Variants in STX3 observed in about 807,000 individuals in gnomAD.
STX3 encodes the protein syntaxin-3.
A neutral mutation model predicts 40.2 loss-of-function variants in STX3; 19 were observed. That is an observed-to-expected ratio of 0.47 (90% CI 0.33 to 0.69). The LOEUF is 0.69. Ranked by LOEUF, STX3 falls within the 30% of genes least tolerant of loss-of-function variation. The pLI, the probability that STX3 is intolerant of heterozygous loss-of-function variation, is 0.02. For missense variants in STX3, 364 were observed against 366.7 expected, an observed-to-expected ratio of 0.99 and a Z score of 0.06; for synonymous variants, 122 against 132.2, an observed-to-expected ratio of 0.92 and a Z score of 0.53.
Position 59,765,604 on chromosome 11 carries a change from G to C in STX3, c.31-7607G>C, listed in dbSNP as rs565875608. ...GGATCACACAAGGTCAGGAGTCCAA[G>C]ACCAGCCTGAGCTACATGGTGAAAC... On this transcript the variant is annotated intron_variant, in intron 1 of 10. Transcript: ENST00000337979. Among the ~76,000 whole-genome samples the C allele has an allele frequency of 2.5e-3, 375 of 152,282 alleles. 4 individuals carry two copies. The highest frequency in any genetic ancestry group is 8.4e-3 in the African/African-American group (349 of 41,556).
chr11:59,774,642 C>G (rs541073262), intron 2 of STX3, among the ~76,000 whole-genome samples: 1 of 152,170 alleles, frequency 6.6e-6, no homozygotes, highest in African/African-American at 2.4e-5. Flanking sequence ...ACCAGCCTGG[C>G]CAACACAGTG....
chr11:59,758,615 T>G (rs912163645), intron 1 of STX3, among the ~76,000 whole-genome samples: 1 of 152,228 alleles, frequency 6.6e-6, no homozygotes, highest in African/African-American at 2.4e-5. Context: ...TGGTCTCATC[T>G]CATCTCTTCT....
At chr11:59,792,573 A>G (rs558720809) in intron 6 of STX3, among the ~76,000 whole-genome samples, 1 of 151,660 alleles carries the variant, frequency 6.6e-6, no homozygotes, top group African/African-American at 2.4e-5. Flanking sequence ...GGATAAAAGT[A>G]TGGTGTAAGT....
intron 10 of STX3, 113 bp downstream of exon 10, chr11:59,797,509 G>A (rs1430508995): frequency 1.3e-6 from 1 of 760,774 alleles, no homozygotes; most frequent in Non-Finnish European, 2.1e-6. Flanking sequence ...GACACACTGA[G>A]CTTTCTAAAA....
intron 1 of STX3, among the ~76,000 whole-genome samples, chr11:59,767,989 G>T (rs1863363302): frequency 6.6e-6 from 1 of 152,210 alleles, no homozygotes; most frequent in African/African-American, 2.4e-5. Context: ...TAGAGAAGTT[G>T]ACTTGGCCAG....
chr11:59,785,989 C>G (rs1225396536), intron 2 of STX3, among the ~76,000 whole-genome samples: 1 of 152,150 alleles, frequency 6.6e-6, no homozygotes, highest in East Asian at 1.9e-4. Context: ...ACAGGAATGT[C>G]TGACAGTGGC....
intron 1 of STX3, among the ~76,000 whole-genome samples, chr11:59,761,368 A>G (rs1193997187): frequency 1.3e-5 from 2 of 152,136 alleles, no homozygotes; most frequent in Non-Finnish European, 2.9e-5. Flanking sequence ...CGCAAACTTT[A>G]CTTTTGGTGG....
At chr11:59,775,229 T>TC (rs1226986458) in intron 2 of STX3, among the ~76,000 whole-genome samples, 1 of 152,138 alleles carries the variant, frequency 6.6e-6, no homozygotes, top group Admixed American at 6.6e-5. Flanking sequence ...TCTCCACAGA[T>TC]CCCCACCCTC....
intron 1 of STX3, among the ~76,000 whole-genome samples, chr11:59,772,974 A>AACACACACACACACACACAC (rs3035302): frequency 1.4e-5 from 2 of 140,586 alleles, no homozygotes; most frequent in Non-Finnish European, 3.1e-5. Flanking sequence ...CCCTGAAAGA[A>AACACACACACACACACACAC]ACACACACAC....
At chr11:59,781,287 T>A in intron 2 of STX3, 1 of 1,549,614 alleles carries the variant, frequency 6.5e-7, no homozygotes, top group East Asian at 2.2e-5. Flanking sequence ...CTTAATTAAC[T>A]CCTGTCCAAA....
At chr11:59,787,175 C>T in intron 3 of STX3, 39 bp downstream of exon 3, 1 of 1,579,026 alleles carries the variant, frequency 6.3e-7, no homozygotes, top group South Asian at 1.1e-5. Context: ...CAACAATCAC[C>T]CTTTCCTTGG....
chr11:59,804,303 A>G lies in STX3; in HGVS notation c.*3479A>G, dbSNP rs1866000625. 6.6e-6 allele frequency: 1 copy of G among 152,230 alleles called. No homozygotes were observed. The highest frequency in any genetic ancestry group is 2.4e-5 in the African/African-American group (1 of 41,444). 9.4% of individuals were successfully genotyped at this position (152,230 alleles called of 1,614,324 possible). A position where few individuals can be genotyped will look rare whatever the true frequency, so the allele number is the denominator to read the frequency against. The stretch of plus-strand genomic sequence containing the variant: ...TCTGTTTCCTCTTTCAGGCTCCAGT[A>G]GTAGTCTTAAAAGTGAAGTTTATCT... On this transcript the variant is annotated 3_prime_UTR_variant, in exon 11 of 11. Coordinates refer to ENST00000337979, the MANE Select transcript of STX3 (RefSeq NM_004177.5).
chr11:59,772,977 A>G (rs1808887727), intron 1 of STX3, among the ~76,000 whole-genome samples: 1 of 112,032 alleles, frequency 8.9e-6, no homozygotes, highest in Non-Finnish European at 1.7e-5. Context: ...TGAAAGAAAC[A>G]CACACACACA....
At chr11:59,766,528 C>T (rs1218505374) in intron 1 of STX3, among the ~76,000 whole-genome samples, 2 of 152,158 alleles carry the variant, frequency 1.3e-5, no homozygotes, top group African/African-American at 4.8e-5. Flanking sequence ...TCCCTGAGTA[C>T]CCTGAGTGGG....
intron 1 of STX3, among the ~76,000 whole-genome samples, chr11:59,772,733 C>A (rs1863723865): frequency 6.6e-6 from 1 of 152,096 alleles, no homozygotes; most frequent in South Asian, 2.1e-4. Flanking sequence ...GGTTCCTCAA[C>A]TGTAGTGAGT....
chr11:59,801,192 A>T lies in STX3; in HGVS notation c.*368A>T. 8.5e-7 allele frequency: 1 copy of T among 1,174,310 alleles called. No individual in the cohort carries two copies. Among genetic ancestry groups the T allele is most frequent in the Middle Eastern group, 3.5e-4 (1 of 2,886 alleles). The allele number at this position is 1,174,310 out of a possible 1,614,324, so 72.7% of individuals were successfully genotyped here. A position where few individuals can be genotyped will look rare whatever the true frequency, so the allele number is the denominator to read the frequency against. ...CTCTCCCAAGGTGCTGTATTTTTCT[A>T]CCTCATGGAGTATTCTCCCAGAAAC... On this transcript the variant is annotated 3_prime_UTR_variant, in exon 11 of 11. Transcript: ENST00000337979.
intron 1 of STX3, among the ~76,000 whole-genome samples, chr11:59,770,807 G>T (rs1320473019): frequency 2.0e-5 from 3 of 152,126 alleles, no homozygotes; most frequent in Non-Finnish European, 4.4e-5. Flanking sequence ...CAAAACTCAA[G>T]TCTGGCTAAA....
At chr11:59,799,664 A>G (rs1239829310) in intron 10 of STX3, 3 of 985,230 alleles carry the variant, frequency 3.0e-6, no homozygotes. Context: ...TTCCTTTTAT[A>G]TTTGTTTCAG....
chr11:59,786,266 G>A (rs901618219), intron 2 of STX3, among the ~76,000 whole-genome samples: 42 of 141,492 alleles, frequency 3.0e-4, no homozygotes, highest in Admixed American at 7.2e-5. Flanking sequence ...TTTTGAGGCA[G>A]TCTCGCTGTG....
Sources: gnomAD v4.1 joint callset for allele counts (sites outside exome capture counted in the v4.1 genomes callset) on GRCh38, gnomAD v4.1.1 for gene constraint, MANE v1.5 for transcripts, NCBI Gene and HGNC (gene_info 2026-07-23, HGNC 2026-07-21) for gene names.